Variants in IPP observed in about 807,000 individuals in gnomAD.
IPP encodes actin-binding protein IPP.
Under a neutral mutation model 64.1 loss-of-function variants are expected in IPP, and 41 were observed. That is an observed-to-expected ratio of 0.64 (90% CI 0.50 to 0.83). IPP has a LOEUF of 0.83. Among genes scored for constraint, IPP ranks in the 40% least tolerant of loss-of-function variants. IPP has a pLI of 0.00. For missense variants in IPP, 649 were observed against 703.0 expected, an observed-to-expected ratio of 0.92 and a Z score of 0.87; for synonymous variants, 214 against 235.2, an observed-to-expected ratio of 0.91 and a Z score of 0.83.
At chr1:45,724,537 C>T in intron 5 of IPP, among the ~76,000 whole-genome samples, 1 of 149,476 alleles carries the variant, frequency 6.7e-6, no homozygotes, top group Non-Finnish European at 1.5e-5. Flanking sequence ...AAGCGAGGAG[C>T]GCCTCTTCCC....
Position 45,747,232 on chromosome 1 carries a change from A to G in IPP, c.-50-771T>C, listed in dbSNP as rs564354816. On this transcript the variant is annotated intron_variant, in intron 1 of 8. Coordinates refer to ENST00000396478, the MANE Select transcript of IPP (RefSeq NM_005897.3). ...TATGTTAGGTTTCCAATGTTTGTGA[A>G]ATGAATGAGAACAAGGAGAAATAAC... 2.6e-5 allele frequency among the ~76,000 whole-genome samples: 4 copies of G among 152,262 alleles called. No homozygotes were observed. The South Asian group carries it at 8.3e-4, about 32-fold the overall frequency.
In IPP at chr1:45,714,470, G is replaced by C. The variant is rs752953402; in HGVS notation, c.1310-4C>G. 2.1e-5 allele frequency: 33 copies of C among 1,579,122 alleles called. No individual in the cohort carries two copies. In the East Asian group the frequency reaches 7.2e-4, roughly 34 times the overall value. The stretch of plus-strand genomic sequence containing the variant: ...CCCCCAATTACATAAATTAAACCTG[G>C]AAGTGGAATATTTTTGCTCAGATGC... On this transcript the variant is annotated splice_region_variant and splice_polypyrimidine_tract_variant and intron_variant, in intron 7 of 8. Transcript: ENST00000396478.
intron 8 of IPP, among the ~76,000 whole-genome samples, chr1:45,707,189 C>T (rs181167682): frequency 4.6e-4 from 70 of 152,212 alleles, no homozygotes; most frequent in Admixed American, 3.3e-3. Context: ...TTTCGGAGGC[C>T]GAGGCGGGTG....
chr1:45,702,454 GTTATTA>G (rs1389668073), intron 8 of IPP, among the ~76,000 whole-genome samples: 1 of 152,034 alleles, frequency 6.6e-6, no homozygotes, highest in African/African-American at 2.4e-5. Context: ...TGTTGTTGTT[GTTATTA>G]TTATTATCAT....
At chr1:45,749,519 T>G (rs1431715778) in intron 1 of IPP, among the ~76,000 whole-genome samples, 2 of 128,230 alleles carry the variant, frequency 1.6e-5, no homozygotes, top group East Asian at 2.4e-4. Context: ...TTTGTTTTTG[T>G]TTTTTGTTTT....
downstream of IPP, chr1:45,697,063 T>C (rs999053137): frequency 6.6e-6 from 1 of 152,210 alleles, no homozygotes; most frequent in African/African-American, 2.4e-5. Context: ...TATAGCTTAG[T>C]CTATAAATTA....
intron 8 of IPP, among the ~76,000 whole-genome samples, chr1:45,711,361 C>A (rs899510969): frequency 2.0e-5 from 3 of 151,626 alleles, no homozygotes; most frequent in South Asian, 2.1e-4. Context: ...ACAAAAAAAA[C>A]CAGACCACAA....
chr1:45,705,792 T>G (rs990350969), intron 8 of IPP, among the ~76,000 whole-genome samples: 3 of 150,254 alleles, frequency 2.0e-5, no homozygotes, highest in Middle Eastern at 3.4e-3. Flanking sequence ...GGAGACAGAG[T>G]GAGACATCGT....
At chr1:45,725,161 G>C (rs1219454418) in intron 5 of IPP, among the ~76,000 whole-genome samples, 1 of 130,756 alleles carries the variant, frequency 7.6e-6, no homozygotes, top group African/African-American at 2.8e-5. Flanking sequence ...CGGGAGTGGG[G>C]TGGGGGGTCA....
chr1:45,703,775 C>A (rs1330058684), intron 8 of IPP, among the ~76,000 whole-genome samples: 14 of 152,178 alleles, frequency 9.2e-5, no homozygotes, highest in Admixed American at 9.2e-4. Flanking sequence ...TAGGGCATAA[C>A]ACACTTTGTA....
intron 4 of IPP, among the ~76,000 whole-genome samples, 159 bp from the exon 5 acceptor site, chr1:45,727,957 G>A (rs1481682257): frequency 2.0e-5 from 3 of 152,000 alleles, no homozygotes; most frequent in Non-Finnish European, 4.4e-5. Context: ...GAAAGATTGT[G>A]GCTTAAATAC....
chr1:45,746,585 G>A (rs1646137882), intron 1 of IPP, 124 bp from the exon 2 acceptor site: 2 of 552,966 alleles, frequency 3.6e-6, no homozygotes, highest in Non-Finnish European at 6.4e-6. Context: ...AAGGACTAAA[G>A]TGTGGTACTA....
chr1:45,741,862 T>C (rs559011648), intron 2 of IPP, among the ~76,000 whole-genome samples: 16 of 78,708 alleles, frequency 2.0e-4, no homozygotes, highest in Non-Finnish European at 4.7e-4. Flanking sequence ...TCTCCTGACC[T>C]TGTGATCCGC....
intron 1 of IPP, among the ~76,000 whole-genome samples, chr1:45,749,531 T>TTTG (rs1646190281): frequency 2.7e-5 from 4 of 149,918 alleles, no homozygotes; most frequent in South Asian, 2.1e-4. Context: ...TTTTGTTTTT[T>TTTG]TTTTTTTGAG....
chr1:45,745,820 GC>G (rs1468941041), intron 2 of IPP, among the ~76,000 whole-genome samples: 1 of 151,962 alleles, frequency 6.6e-6, no homozygotes, highest in African/African-American at 2.4e-5. Flanking sequence ...AGCCAAGATC[GC>G]CCCACTGCAC....
chr1:45,695,552 GAATT>G (rs1645379770), downstream of IPP, among the ~76,000 whole-genome samples: 1 of 151,972 alleles, frequency 6.6e-6, no homozygotes, highest in African/African-American at 2.4e-5. Context: ...GAGAAAAAAA[GAATT>G]AACAGAAAAC....
intron 3 of IPP, among the ~76,000 whole-genome samples, chr1:45,739,171 G>GTAGTGTA (rs1168791194): frequency 2.0e-5 from 3 of 152,144 alleles, no homozygotes; most frequent in Admixed American, 6.5e-5. Flanking sequence ...TTAATGCTTA[G>GTAGTGTA]TAGTGTATTT....
chr1:45,732,481 T>C (rs1645923883), intron 3 of IPP, among the ~76,000 whole-genome samples: 1 of 151,514 alleles, frequency 6.6e-6, no homozygotes, highest in African/African-American at 2.4e-5. Flanking sequence ...TATTGTAGAG[T>C]TAATAAATTA....
rs549518374 is a variant in IPP, at chr1:45,708,993, C to T, written c.1530+5253G>A. ...AGGTTGTAGTGATCCGAGCTCGTGCCGCTGCACTCCAGCCTGGGCAACAGA... is the reference window on the plus strand; with the variant it reads ...AGGTTGTAGTGATCCGAGCTCGTGCTGCTGCACTCCAGCCTGGGCAACAGA... On this transcript the variant is annotated intron_variant, in intron 8 of 8. Transcript: ENST00000396478. Among the ~76,000 whole-genome samples, 25 of 135,576 alleles carry T rather than the reference C, an allele frequency of 1.8e-4. No individual in the cohort carries two copies. In the East Asian group the frequency reaches 4.9e-3, roughly 27 times the overall value. The allele number at this position is 135,576 out of a possible 152,430, so 88.9% of individuals were successfully genotyped here.
Sources: allele counts gnomAD v4.1 joint callset (sites outside exome capture counted in the v4.1 genomes callset), GRCh38; gene constraint gnomAD v4.1.1; transcripts MANE v1.5; gene names NCBI Gene and HGNC (gene_info 2026-07-23, HGNC 2026-07-21).